ARHGAP8: variants seen among roughly 807,000 people sequenced by gnomAD.
The protein encoded by ARHGAP8 is Rho GTPase activating protein 8.
A neutral mutation model predicts 46.1 loss-of-function variants in ARHGAP8; 62 were observed. The observed-to-expected ratio is 1.34, with a 90% CI of 1.10 to 1.66. The LOEUF (loss-of-function observed/expected upper bound fraction) is 1.66, where lower values mean the gene tolerates loss of function less well. Ranked by LOEUF, ARHGAP8 falls within the 40% of genes most tolerant of loss-of-function variation. The pLI is 0.00. For missense variants in ARHGAP8, 923 were observed against 568.4 expected (o/e 1.62, Z -6.34); for synonymous variants, 375 against 243.1 (o/e 1.54, Z -5.05).
At chr22:44,823,568 C>T (rs1472118108) in intron 6 of ARHGAP8, among the ~76,000 whole-genome samples, 1 of 151,998 alleles carries the variant, frequency 6.6e-6, no homozygotes, top group Non-Finnish European at 1.5e-5. Context: ...GACCTGGAGG[C>T]CATGAGAGGA....
At position 44,856,947 on chromosome 22, in the gene ARHGAP8, T is replaced by C. The variant is rs1332919909; in HGVS notation, c.878-2784T>C. ...GAGGCTGACTTGAGTAAGAATTCTT[T>C]TTTTTTTTTTGAGACGGAGTTTTGC... is the stretch of plus-strand genomic sequence containing the variant. On this transcript the variant is annotated intron_variant, in intron 10 of 11. Coordinates refer to ENST00000356099, the MANE Select transcript of ARHGAP8 (RefSeq NM_181335.3). Among the ~76,000 whole-genome samples the C allele has an allele frequency of 5.6e-5, 8 of 142,898 alleles. 1 individual carries two copies. The highest frequency in any genetic ancestry group is 4.3e-4 in the South Asian group (2 of 4,618). 93.7% of individuals were successfully genotyped at this position (142,898 alleles called of 152,430 possible).
intron 1 of ARHGAP8, among the ~76,000 whole-genome samples, chr22:44,766,531 T>TAGGCATGTGTGTCTGC (rs1925585160): frequency 1.3e-5 from 2 of 152,078 alleles, no homozygotes; most frequent in South Asian, 4.1e-4. Flanking sequence ...CGTGTGTCTG[T>TAGGCATGTGTGTCTGC]AGGCATGTGT....
At position 44,810,236 on chromosome 22, in the gene ARHGAP8, C is replaced by CTTT. The variant is rs58029838; in HGVS notation, c.299+1819_299+1821dup. Among the ~76,000 whole-genome samples, 388 of 98,864 alleles carry CTTT rather than the reference C, an allele frequency of 3.9e-3. 12 individuals are homozygous for CTTT. The highest frequency in any genetic ancestry group is 0.013 in the African/African-American group (326 of 24,676). The allele number at this position is 98,864 out of a possible 152,430, so 64.9% of individuals were successfully genotyped here. On this transcript the variant is annotated intron_variant, in intron 4 of 11. Coordinates refer to ENST00000356099, the MANE Select transcript of ARHGAP8 (RefSeq NM_181335.3). ...TGGGAAAGGATCTGCATATGGCAGC[C>CTTT]TTTTTTTTTTTTTTTTTTTTTTTGA...
intron 6 of ARHGAP8, among the ~76,000 whole-genome samples, chr22:44,824,563 G>A (rs1204076368): frequency 6.6e-6 from 1 of 152,058 alleles, no homozygotes; most frequent in Non-Finnish European, 1.5e-5. Context: ...GCTTCAATAC[G>A]TATTTGCCTG....
chr22:44,809,100 C>T (rs1359772834), intron 4 of ARHGAP8: 1 of 470,412 alleles, frequency 2.1e-6, no homozygotes, highest in Non-Finnish European at 4.4e-6. Context: ...GGATTACAGG[C>T]AGGAGCCACC....
At chr22:44,777,741 G>C (rs1482625975) in intron 1 of ARHGAP8, among the ~76,000 whole-genome samples, 1 of 152,048 alleles carries the variant, frequency 6.6e-6, no homozygotes, top group African/African-American at 2.4e-5. Context: ...TGTCACCCAG[G>C]CTGGAGTGTA....
intron 5 of ARHGAP8, among the ~76,000 whole-genome samples, chr22:44,820,089 C>T (rs1011873753): frequency 9.1e-6 from 1 of 109,816 alleles, no homozygotes; most frequent in African/African-American, 3.9e-5. Flanking sequence ...CCCTGGGTCT[C>T]GCCAGACCTC....
At chr22:44,795,764 T>A (rs1044614717) in intron 2 of ARHGAP8, among the ~76,000 whole-genome samples, 6 of 152,160 alleles carry the variant, frequency 3.9e-5, no homozygotes, top group African/African-American at 1.4e-4. Context: ...ACACCAGGTC[T>A]GAGCCATGTT....
chr22:44,848,899 G>A, intron 9 of ARHGAP8, 33 bp from the exon 10 acceptor site: 1 of 1,612,770 alleles, frequency 6.2e-7, no homozygotes, highest in Non-Finnish European at 8.5e-7. Context: ...AGGCCGGGGT[G>A]CAGACCTCAG....
intron 4 of ARHGAP8, among the ~76,000 whole-genome samples, chr22:44,811,283 G>C (rs1378434477): frequency 1.3e-5 from 2 of 152,212 alleles, no homozygotes; most frequent in East Asian, 1.9e-4. Context: ...GCAGTGACCT[G>C]TGAGCAGTGA....
intron 1 of ARHGAP8, among the ~76,000 whole-genome samples, chr22:44,772,754 T>A (rs1426983418): frequency 6.6e-6 from 1 of 152,016 alleles, no homozygotes; most frequent in Non-Finnish European, 1.5e-5. Flanking sequence ...TTGGTATTAT[T>A]TCTGATGTAA....
rs529743727 is a variant in ARHGAP8 at position 44,801,786 on chromosome 22, G to A, written c.80-291G>A. 244 of 385,690 alleles carry A rather than the reference G, an allele frequency of 6.3e-4. No homozygotes were observed. The East Asian group carries it at 8.7e-3, about 14-fold the overall frequency. 23.9% of individuals were successfully genotyped at this position (385,690 alleles called of 1,614,324 possible). The stretch of plus-strand genomic sequence containing the variant: ...CGTCTCGATTTAAGTCCTTGGTGCC[G>A]CCTGCCAGCTGGCTCTGCACTGATG... On this transcript the variant is annotated intron_variant, in intron 2 of 11. Transcript: ENST00000356099.
At chr22:44,818,318 G>A (rs906479419) in intron 5 of ARHGAP8, among the ~76,000 whole-genome samples, 1 of 151,794 alleles carries the variant, frequency 6.6e-6, no homozygotes, top group Non-Finnish European at 1.5e-5. Flanking sequence ...GCGTGGTGGC[G>A]CATGACTGTA....
chr22:44,822,551 A>G, intron 6 of ARHGAP8, 82 bp downstream of exon 6: 1 of 1,261,930 alleles, frequency 7.9e-7, no homozygotes, highest in East Asian at 2.8e-5. Flanking sequence ...ATGAATGTTT[A>G]AGGCTTGATT....
At chr22:44,771,004 T>C (rs543357055) in intron 1 of ARHGAP8, among the ~76,000 whole-genome samples, 40 of 152,324 alleles carry the variant, frequency 2.6e-4, no homozygotes, top group Admixed American at 1.2e-3. Context: ...TCAGATCAAA[T>C]CTCTTTCACT....
chr22:44,757,477 A>G (rs964736036), intron 1 of ARHGAP8, among the ~76,000 whole-genome samples: 2 of 151,726 alleles, frequency 1.3e-5, no homozygotes, highest in Admixed American at 1.3e-4. Context: ...AGGTTTTACC[A>G]TGTTGGCCAT....
At chr22:44,820,951 G>A (rs1218337708) in intron 5 of ARHGAP8, among the ~76,000 whole-genome samples, 4 of 151,988 alleles carry the variant, frequency 2.6e-5, no homozygotes, top group African/African-American at 9.7e-5. Context: ...CATGATCTCC[G>A]TATTTTTTGT....
At chr22:44,849,360 T>A in intron 10 of ARHGAP8, 1 of 402,432 alleles carries the variant, frequency 2.5e-6, no homozygotes, top group Non-Finnish European at 4.6e-6. Flanking sequence ...TTGGGGCTCA[T>A]CATCCTGGTC....
intron 6 of ARHGAP8, 67 bp from the exon 7 acceptor site, chr22:44,825,416 A>G: frequency 6.5e-7 from 1 of 1,549,764 alleles, no homozygotes; most frequent in Non-Finnish European, 8.7e-7. Flanking sequence ...ATCCAGCCCC[A>G]CCCAGCGCCT....
Sources: allele counts gnomAD v4.1 joint callset (sites outside exome capture counted in the v4.1 genomes callset), GRCh38; gene constraint gnomAD v4.1.1; transcripts MANE v1.5; gene names NCBI Gene and HGNC (gene_info 2026-07-23, HGNC 2026-07-21).